Variants in FRMPD4 observed in about 807,000 individuals in gnomAD.
FRMPD4 encodes the protein FERM and PDZ domain-containing protein 4.
Under a neutral mutation model 94.1 loss-of-function variants are expected in FRMPD4, and 22 were observed. The ratio of observed to expected loss-of-function variants is 0.23; its 90% CI spans 0.17 to 0.33. The LOEUF is 0.33. FRMPD4 is among the 10% of genes least tolerant of loss of function. The pLI is 1.00. For synonymous variants in FRMPD4, 631 were observed against 548.6 expected (o/e 1.15, Z -2.10); for missense variants, 1,111 against 1,339.9 (o/e 0.83, Z 2.67).
chrX:12,096,942 G>A (rs2055210804), intron 3 of FRMPD4, among the ~76,000 whole-genome samples: 1 of 110,947 alleles, frequency 9.0e-6, no homozygotes, highest in Non-Finnish European at 1.9e-5. Flanking sequence ...ACATTAGCCA[G>A]GGACTATTAG....
chrX:12,625,611 A>G (rs1010222119), intron 4 of FRMPD4, among the ~76,000 whole-genome samples: 2 of 111,931 alleles, frequency 1.8e-5, no homozygotes, highest in African/African-American at 6.5e-5. Context: ...TGGAGAGTAC[A>G]TTGATAGTTA....
intron 1 of FRMPD4, among the ~76,000 whole-genome samples, chrX:12,371,730 T>A (rs1292753475): frequency 1.8e-5 from 2 of 111,567 alleles, no homozygotes; most frequent in Non-Finnish European, 3.8e-5. Context: ...TAAATATGCC[T>A]ATGATGATGG....
At chrX:12,309,708 T>C (rs1163162946) in intron 1 of FRMPD4, among the ~76,000 whole-genome samples, 2 of 112,449 alleles carry the variant, frequency 1.8e-5, no homozygotes, top group African/African-American at 6.5e-5. Flanking sequence ...TATAGCCTAA[T>C]ATCTGAGAGT....
intron 1 of FRMPD4, among the ~76,000 whole-genome samples, chrX:12,336,403 T>C (rs4503284): frequency 0.047 from 5,198 of 111,757 alleles, 325 homozygotes; most frequent in African/African-American, 0.16. Flanking sequence ...TATTTCTCTT[T>C]GGGTCACTCC....
In FRMPD4 at chrX:12,718,316, G is replaced by C; in HGVS notation, c.3490G>C (p.Asp1164His). The part of the protein sequence containing the change: ...VTCASSAKDL[D>H]NPEDADSSTC... Reference sequence around the variant, plus strand: ...CTGTGCATCTTCAGCCAAAGACTTAGATAACCCAGAGGACGCTGACTCGTC... The same window carrying C: ...CTGTGCATCTTCAGCCAAAGACTTACATAACCCAGAGGACGCTGACTCGTC... Residue 1164 changes from aspartate (D) to histidine (H), a missense_variant, in exon 16 of 17, where the codon GAT (aspartate) becomes CAT (histidine). Around this residue, in one of 8 missense-constraint regions of FRMPD4, gnomAD observed 551 missense variants for 591.6 expected, o/e 0.93. Transcript: ENST00000675598. 8.3e-7 allele frequency: 1 copy of C among 1,211,454 alleles called. No individual in the cohort carries two copies. The highest frequency in any genetic ancestry group is 1.1e-6 in the Non-Finnish European group (1 of 895,069).
At chrX:12,680,496 A>T (rs1038530059) in intron 5 of FRMPD4, among the ~76,000 whole-genome samples, 1 of 112,361 alleles carries the variant, frequency 8.9e-6, no homozygotes, top group Non-Finnish European at 1.9e-5. Flanking sequence ...TATTTTGTTG[A>T]TTCTCATTAA....
intron 1 of FRMPD4, among the ~76,000 whole-genome samples, chrX:12,165,973 A>G (rs1291561544): frequency 9.0e-6 from 1 of 111,506 alleles, no homozygotes; most frequent in Non-Finnish European, 1.9e-5. Flanking sequence ...GGTTTTCTAG[A>G]TATACAATCA....
chrX:12,329,062 G>T (rs1272404893), intron 1 of FRMPD4, among the ~76,000 whole-genome samples: 1 of 112,553 alleles, frequency 8.9e-6, no homozygotes, highest in Non-Finnish European at 1.9e-5. Flanking sequence ...CCATTTTTGT[G>T]CTTAGATTCA....
chrX:11,995,138 A>C (rs2054489946), intron 3 of FRMPD4, among the ~76,000 whole-genome samples: 1 of 111,564 alleles, frequency 9.0e-6, no homozygotes, highest in Non-Finnish European at 1.9e-5. Context: ...CTGTGTGCTG[A>C]AATGTTTCTC....
intron 2 of FRMPD4, among the ~76,000 whole-genome samples, chrX:12,594,987 G>A (rs924921656): frequency 9.8e-5 from 11 of 111,884 alleles, no homozygotes; most frequent in East Asian, 2.8e-4. Flanking sequence ...TCATAGGTTC[G>A]TTGTGAAAAT....
In FRMPD4 at chrX:12,722,130, G is replaced by A. The variant is rs1183836124; in HGVS notation, c.*272G>A. 9.0e-6 allele frequency: 1 copy of A among 111,262 alleles called. No individual in the cohort carries two copies. Among genetic ancestry groups the A allele is most frequent in the African/African-American group, 3.3e-5 (1 of 30,488 alleles). The allele number at this position is 111,262 out of a possible 1,213,427, so 9.2% of individuals were successfully genotyped here. On this transcript the variant is annotated 3_prime_UTR_variant, in exon 17 of 17. Coordinates refer to ENST00000675598, the MANE Select transcript of FRMPD4 (RefSeq NM_001368397.1). Reference sequence around the variant, plus strand: ...CATATAGTTAAAACTCCAGGTATATGATGTGAAATTTTAAATTCTACCATG... The same window carrying A: ...CATATAGTTAAAACTCCAGGTATATAATGTGAAATTTTAAATTCTACCATG...
chrX:12,377,493 G>A (rs1193060901), intron 1 of FRMPD4, among the ~76,000 whole-genome samples: 2 of 111,923 alleles, frequency 1.8e-5, no homozygotes, highest in Non-Finnish European at 3.8e-5. Flanking sequence ...GGATCCTTTC[G>A]AATGAAGGAC....
rs920945829 is a variant in FRMPD4 at position 12,723,123 on chromosome X, A to G, written c.*1265A>G. ...TTGGCTGATAAAAATATGAAATCTGAAAAAAAAAAGAAAGAAATGGAAGTG... is the reference window on the plus strand; with the variant it reads ...TTGGCTGATAAAAATATGAAATCTGGAAAAAAAAAGAAAGAAATGGAAGTG... On this transcript the variant is annotated 3_prime_UTR_variant, in exon 17 of 17. Coordinates refer to ENST00000675598, the MANE Select transcript of FRMPD4 (RefSeq NM_001368397.1). 4 of 108,446 alleles carry G rather than the reference A, an allele frequency of 3.7e-5. No individual in the cohort carries two copies. The highest frequency in any genetic ancestry group is 1.3e-4 in the African/African-American group (4 of 29,799). 8.9% of individuals were successfully genotyped at this position (108,446 alleles called of 1,213,427 possible).
chrX:12,029,554 T>C (rs1321632390), intron 3 of FRMPD4, among the ~76,000 whole-genome samples: 1 of 112,093 alleles, frequency 8.9e-6, no homozygotes, highest in Admixed American at 9.5e-5. Flanking sequence ...CCCAAAGTTA[T>C]CTAGATTTTC....
At chrX:11,950,421 G>A (rs1035640855) in intron 3 of FRMPD4, among the ~76,000 whole-genome samples, 2 of 111,517 alleles carry the variant, frequency 1.8e-5, no homozygotes, top group African/African-American at 6.5e-5. Context: ...TGTTTGGTGA[G>A]AGCACCTGAA....
At chrX:12,140,455 C>G (rs1352142881) in intron 1 of FRMPD4, among the ~76,000 whole-genome samples, 1 of 112,240 alleles carries the variant, frequency 8.9e-6, no homozygotes, top group Non-Finnish European at 1.9e-5. Flanking sequence ...TTCCTGCATG[C>G]TTCTGCCTAG....
chrX:12,464,087 T>C (rs1160219562), intron 1 of FRMPD4, among the ~76,000 whole-genome samples: 1 of 111,280 alleles, frequency 9.0e-6, no homozygotes, highest in Non-Finnish European at 1.9e-5. Flanking sequence ...GCCAAAAGAG[T>C]TTGCTGACCC....
At chrX:12,263,972 G>A (rs902036323) in intron 1 of FRMPD4, among the ~76,000 whole-genome samples, 9 of 110,980 alleles carry the variant, frequency 8.1e-5, no homozygotes, top group African/African-American at 1.6e-4. Context: ...ATCCATTAAC[G>A]AGGGTGGAGC....
intron 1 of FRMPD4, among the ~76,000 whole-genome samples, chrX:12,417,776 G>A (rs1182756288): frequency 3.7e-5 from 4 of 107,863 alleles, no homozygotes; most frequent in Non-Finnish European, 7.7e-5. Flanking sequence ...TTGGGAGGCC[G>A]AGGCGGGCGG....
Sources: gnomAD v4.1 joint callset for allele counts (sites outside exome capture counted in the v4.1 genomes callset) on GRCh38, gnomAD v4.1.1 for gene constraint, gnomAD v4.1.1 regional missense constraint, MANE v1.5 for transcripts, NCBI Gene and HGNC (gene_info 2026-07-23, HGNC 2026-07-21) for gene names.